CNTNAP4: variants seen among roughly 807,000 people sequenced by gnomAD.
CNTNAP4 encodes contactin associated protein family member 4, also known as contactin-associated protein-like 4.
Under a neutral mutation model 148.4 loss-of-function variants are expected in CNTNAP4, and 98 were observed. That is an observed-to-expected ratio of 0.66 (90% CI 0.56 to 0.78). The LOEUF (loss-of-function observed/expected upper bound fraction) is 0.78. CNTNAP4 is among the 30% of genes least tolerant of loss of function. CNTNAP4 has a pLI of 0.00. For missense variants in CNTNAP4, 1,935 were observed against 1,565.6 expected, an observed-to-expected ratio of 1.24 and a Z score of -3.98; for synonymous variants, 730 against 565.1, an observed-to-expected ratio of 1.29 and a Z score of -4.14.
At chr16:76,553,646 A>G (rs992262918) in intron 22 of CNTNAP4, 145 bp downstream of exon 22, 2 of 686,372 alleles carry the variant, frequency 2.9e-6, no homozygotes, top group East Asian at 2.7e-5. Context: ...TCTCCTTCCC[A>G]TATCTTTTCT....
intron 15 of CNTNAP4, among the ~76,000 whole-genome samples, chr16:76,513,434 A>G (rs1318915103): frequency 6.6e-6 from 1 of 152,182 alleles, no homozygotes; most frequent in Non-Finnish European, 1.5e-5. Flanking sequence ...CAGCACGTGT[A>G]CTTACCTGTA....
chr16:76,514,963 T>G (rs1391796363), intron 15 of CNTNAP4, among the ~76,000 whole-genome samples: 1 of 152,200 alleles, frequency 6.6e-6, no homozygotes, highest in East Asian at 1.9e-4. Context: ...TTTTTACTTT[T>G]AAGAAAAGGC....
rs1212992069 is a variant in CNTNAP4, at chr16:76,293,749, T to C, written c.85+16002T>C. 3.3e-5 allele frequency among the ~76,000 whole-genome samples: 5 copies of C among 151,290 alleles called. No homozygotes were observed. The East Asian group carries it at 9.7e-4, about 29-fold the overall frequency. On this transcript the variant is annotated intron_variant, in intron 1 of 23. Coordinates refer to ENST00000611870, the MANE Select transcript of CNTNAP4 (RefSeq NM_033401.5). Reference sequence around the variant, plus strand: ...ATCACATTTCATATGCTAGGCAAAATATCAGGTGAAATAGTACAAGCAAGT... The same window carrying C: ...ATCACATTTCATATGCTAGGCAAAACATCAGGTGAAATAGTACAAGCAAGT...
At chr16:76,477,282 T>G (rs2081620465) in intron 11 of CNTNAP4, among the ~76,000 whole-genome samples, 1 of 152,180 alleles carries the variant, frequency 6.6e-6, no homozygotes, top group African/African-American at 2.4e-5. Flanking sequence ...GTCCAGTTGT[T>G]CTGGCGCACA....
intron 11 of CNTNAP4, among the ~76,000 whole-genome samples, chr16:76,476,310 T>A (rs2081576509): frequency 6.6e-6 from 1 of 152,240 alleles, no homozygotes; most frequent in African/African-American, 2.4e-5. Flanking sequence ...TTTGTTATCT[T>A]GTTCTGTTAC....
At chr16:76,375,639 C>T (rs1238683243) in intron 3 of CNTNAP4, among the ~76,000 whole-genome samples, 2 of 152,096 alleles carry the variant, frequency 1.3e-5, no homozygotes, top group Non-Finnish European at 1.5e-5. Context: ...CCCCCAGGCT[C>T]CTGCATCAGA....
chr16:76,546,168 G>T (rs911661644), intron 21 of CNTNAP4, among the ~76,000 whole-genome samples: 1 of 152,194 alleles, frequency 6.6e-6, no homozygotes, highest in African/African-American at 2.4e-5. Flanking sequence ...GAAAGGAAGG[G>T]ATTGGCTGGG....
chr16:76,501,385 G>C (rs2094764768), intron 15 of CNTNAP4, among the ~76,000 whole-genome samples: 1 of 152,094 alleles, frequency 6.6e-6, no homozygotes. Flanking sequence ...TATTTCATTA[G>C]CCAAAACCCC....
chr16:76,534,193 G>T (rs1289931037), intron 17 of CNTNAP4, among the ~76,000 whole-genome samples: 2 of 152,096 alleles, frequency 1.3e-5, no homozygotes, highest in Admixed American at 6.5e-5. Flanking sequence ...TATGTATATT[G>T]TGGTTTAACA....
intron 2 of CNTNAP4, among the ~76,000 whole-genome samples, chr16:76,321,237 T>C (rs1962373261): frequency 6.6e-6 from 1 of 152,242 alleles, no homozygotes. Context: ...CTTACTTGGT[T>C]AATTGACAGA....
At chr16:76,513,355 G>C (rs898696507) in intron 15 of CNTNAP4, among the ~76,000 whole-genome samples, 1 of 152,114 alleles carries the variant, frequency 6.6e-6, no homozygotes, top group Admixed American at 6.6e-5. Context: ...GCATGGGACA[G>C]TGAAGGCATG....
chr16:76,323,386 A>C (rs1233311521), intron 2 of CNTNAP4, among the ~76,000 whole-genome samples: 4 of 152,194 alleles, frequency 2.6e-5, no homozygotes, highest in Non-Finnish European at 4.4e-5. Context: ...AAGGTTGGAA[A>C]ATAAAGTTCC....
At chr16:76,453,757 A>T (rs2080612533) in intron 8 of CNTNAP4, among the ~76,000 whole-genome samples, 1 of 152,200 alleles carries the variant, frequency 6.6e-6, no homozygotes, top group Non-Finnish European at 1.5e-5. Flanking sequence ...CCTATTATTT[A>T]TATGTCTTTT....
At chr16:76,328,800 C>T (rs377360382) in intron 2 of CNTNAP4, among the ~76,000 whole-genome samples, 16 of 152,186 alleles carry the variant, frequency 1.1e-4, no homozygotes, top group South Asian at 8.3e-4. Context: ...CGCCTGCCAC[C>T]GCACCTGGCT....
At chr16:76,554,132 C>G (rs572804821) in intron 23 of CNTNAP4, among the ~76,000 whole-genome samples, 15 of 152,288 alleles carry the variant, frequency 9.8e-5, no homozygotes, top group African/African-American at 3.6e-4. Context: ...GACAATTTCA[C>G]TGAAGCATGG....
At chr16:76,376,669 C>T (rs1294886617) in intron 3 of CNTNAP4, among the ~76,000 whole-genome samples, 1 of 152,126 alleles carries the variant, frequency 6.6e-6, no homozygotes, top group East Asian at 1.9e-4. Context: ...CAGCTGTGTG[C>T]AACTGTGCAT....
intron 2 of CNTNAP4, among the ~76,000 whole-genome samples, chr16:76,329,703 A>G (rs1359264267): frequency 2.0e-5 from 3 of 152,184 alleles, no homozygotes; most frequent in Admixed American, 2.0e-4. Context: ...ATTTTCTGCT[A>G]CTTTTTTCTT....
chr16:76,402,362 T>G (rs1255190888), intron 3 of CNTNAP4, among the ~76,000 whole-genome samples: 1 of 149,096 alleles, frequency 6.7e-6, no homozygotes, highest in African/African-American at 2.5e-5. Context: ...ATGTTTGGTG[T>G]TTTTTTTTTC....
intron 8 of CNTNAP4, among the ~76,000 whole-genome samples, chr16:76,458,741 C>G (rs1438965814): frequency 6.6e-6 from 1 of 152,156 alleles, no homozygotes; most frequent in African/African-American, 2.4e-5. Flanking sequence ...TGATCCAGTT[C>G]CTAACAGGCC....
Sources: allele counts gnomAD v4.1 joint callset (sites outside exome capture counted in the v4.1 genomes callset), GRCh38; gene constraint gnomAD v4.1.1; transcripts MANE v1.5; gene names NCBI Gene and HGNC (gene_info 2026-07-23, HGNC 2026-07-21).